RAD51B: variants seen among roughly 807,000 people sequenced by gnomAD.
The protein encoded by RAD51B is RAD51 paralog B, also known as DNA repair protein RAD51 homolog 2.
Under a neutral mutation model 42.2 loss-of-function variants are expected in RAD51B, and 38 were observed. The ratio of observed to expected loss-of-function variants is 0.90; its 90% confidence interval spans 0.70 to 1.18. The LOEUF is 1.18. Ranked by LOEUF, RAD51B falls within the 50% of genes most tolerant of loss-of-function variation. RAD51B has a pLI of 0.00. For missense variants in RAD51B, 373 were observed against 400.7 expected, an observed-to-expected ratio of 0.93 and a Z score of 0.59; for synonymous variants, 154 against 145.2, an observed-to-expected ratio of 1.06 and a Z score of -0.43.
intron 10 of RAD51B, among the ~76,000 whole-genome samples, chr14:68,491,615 TG>T (rs949080422): frequency 5.3e-5 from 8 of 152,046 alleles, no homozygotes; most frequent in African/African-American, 1.7e-4. Context: ...TTAGTCCAAG[TG>T]GGGGGGCACT....
intron 8 of RAD51B, among the ~76,000 whole-genome samples, chr14:68,355,806 CAA>C (rs2082887158): frequency 1.3e-5 from 2 of 152,158 alleles, no homozygotes; most frequent in Admixed American, 1.3e-4. Flanking sequence ...TGTTAGAAAA[CAA>C]GAGTGTACTT....
intron 10 of RAD51B, among the ~76,000 whole-genome samples, chr14:68,609,533 T>A (rs1891590764): frequency 6.6e-6 from 1 of 152,240 alleles, no homozygotes; most frequent in Non-Finnish European, 1.5e-5. Context: ...CTTCCATACC[T>A]GGGTGCAAAT....
intron 7 of RAD51B, chr14:68,149,930 A>G (rs1344799114): frequency 1.3e-5 from 2 of 152,164 alleles, no homozygotes; most frequent in Non-Finnish European, 2.9e-5. Flanking sequence ...GCTTTATAGT[A>G]AGTCTTGAAG....
chr14:67,837,001 T>C (rs2041265596), intron 4 of RAD51B, among the ~76,000 whole-genome samples: 1 of 151,752 alleles, frequency 6.6e-6, no homozygotes. Context: ...TTTTTTTTCC[T>C]TGGAGATAGG....
intron 11 of RAD51B, among the ~76,000 whole-genome samples, chr14:68,676,527 C>T (rs1000446084): frequency 9.2e-5 from 14 of 152,142 alleles, no homozygotes; most frequent in Non-Finnish European, 1.5e-4. Context: ...AAACTAAAGC[C>T]GGGGAGTTAG....
chr14:68,046,700 CA>C (rs2076306052), intron 7 of RAD51B, among the ~76,000 whole-genome samples: 1 of 152,164 alleles, frequency 6.6e-6, no homozygotes, highest in Admixed American at 6.5e-5. Flanking sequence ...CATGCCACTG[CA>C]CTCCAACCTG....
chr14:68,038,776 G>A (rs2076172494), intron 7 of RAD51B, among the ~76,000 whole-genome samples: 1 of 152,052 alleles, frequency 6.6e-6, no homozygotes, highest in African/African-American at 2.4e-5. Flanking sequence ...AATTTTGTGA[G>A]CCAGTTATCA....
chr14:67,879,783 T>C (rs1006167674), intron 5 of RAD51B, among the ~76,000 whole-genome samples: 1 of 152,210 alleles, frequency 6.6e-6, no homozygotes, highest in African/African-American at 2.4e-5. Context: ...TTGGTTGAGA[T>C]ATGAAGATCT....
In RAD51B at chr14:68,034,940, TAAG is replaced by T. The variant is rs138459196; in HGVS notation, c.756+147738_756+147740del. On this transcript the variant is annotated intron_variant, in intron 7 of 10. Transcript: ENST00000471583. The stretch of plus-strand genomic sequence containing the variant: ...ATGCACCTTGGATTTCAAGCAGAAA[TAAG>T]AGGAGGATTTGACTGAAGGGAATTA... Among the ~76,000 whole-genome samples, 1,073 of 152,240 alleles carry T rather than the reference TAAG, an allele frequency of 7.0e-3. 9 individuals carry two copies. Among genetic ancestry groups the T allele is most frequent in the African/African-American group, 0.024 (1,009 of 41,540 alleles).
intron 7 of RAD51B, among the ~76,000 whole-genome samples, chr14:68,041,453 T>C (rs1401099685): frequency 2.0e-5 from 3 of 152,224 alleles, no homozygotes; most frequent in African/African-American, 7.2e-5. Context: ...GAAGATAATA[T>C]TCTCAATCCT....
chr14:68,076,876 CT>C (rs1373408488), intron 7 of RAD51B, among the ~76,000 whole-genome samples: 7 of 152,006 alleles, frequency 4.6e-5, no homozygotes, highest in Admixed American at 4.6e-4. Context: ...ATAGATAGGC[CT>C]TAAAAAAGGA....
chr14:68,603,599 G>A (rs768136823), intron 10 of RAD51B, among the ~76,000 whole-genome samples: 1 of 152,090 alleles, frequency 6.6e-6, no homozygotes, highest in Non-Finnish European at 1.5e-5. Flanking sequence ...AAGGCAACCC[G>A]AGACTTCCTT....
intron 7 of RAD51B, among the ~76,000 whole-genome samples, chr14:68,032,145 T>A (rs2076056387): frequency 6.6e-6 from 1 of 152,220 alleles, no homozygotes; most frequent in Non-Finnish European, 1.5e-5. Flanking sequence ...ACCTAGGTCA[T>A]GGAGTTGTCG....
At chr14:67,836,346 G>A (rs1447439494) in intron 4 of RAD51B, among the ~76,000 whole-genome samples, 1 of 152,190 alleles carries the variant, frequency 6.6e-6, no homozygotes, top group Non-Finnish European at 1.5e-5. Context: ...CAGGTGAGTG[G>A]TCTTGAAGAA....
At chr14:68,151,261 C>G (rs1202717472) in intron 7 of RAD51B, among the ~76,000 whole-genome samples, 1 of 151,756 alleles carries the variant, frequency 6.6e-6, no homozygotes, top group African/African-American at 2.4e-5. Flanking sequence ...TTGTTTCTGA[C>G]TAGAAACTGT....
chr14:68,211,520 G>C (rs1566732555), intron 7 of RAD51B, among the ~76,000 whole-genome samples: 1 of 152,178 alleles, frequency 6.6e-6, no homozygotes, highest in Non-Finnish European at 1.5e-5. Flanking sequence ...AGAGCTCCTA[G>C]CTTTCTTAAA....
At chr14:68,169,242 A>T (rs921526109) in intron 7 of RAD51B, among the ~76,000 whole-genome samples, 2 of 152,156 alleles carry the variant, frequency 1.3e-5, no homozygotes, top group South Asian at 4.1e-4. Context: ...TCAGAGGAGG[A>T]TACAGTATAA....
intron 7 of RAD51B, among the ~76,000 whole-genome samples, chr14:68,188,696 A>G (rs910767161): frequency 6.6e-6 from 1 of 152,208 alleles, no homozygotes; most frequent in Non-Finnish European, 1.5e-5. Context: ...GAAAGGTGGA[A>G]TGAGTTATCC....
intron 7 of RAD51B, among the ~76,000 whole-genome samples, chr14:68,170,432 A>T (rs1321522899): frequency 2.0e-5 from 3 of 152,174 alleles, no homozygotes; most frequent in Admixed American, 2.0e-4. Context: ...CACACAGGAG[A>T]ATTAAAATCA....
Sources: gnomAD v4.1 joint callset for allele counts (sites outside exome capture counted in the v4.1 genomes callset) on GRCh38, gnomAD v4.1.1 for gene constraint, MANE v1.5 for transcripts, NCBI Gene and HGNC (gene_info 2026-07-23, HGNC 2026-07-21) for gene names.